The following SPATS2L variants were observed in gnomAD, a reference collection of about 807,000 sequenced individuals.
The protein encoded by SPATS2L is spermatogenesis associated serine rich 2 like.
A neutral mutation model predicts 59.6 loss-of-function variants in SPATS2L; 30 were observed. That is an observed-to-expected ratio of 0.50 (90% CI 0.38 to 0.68). The LOEUF is 0.68. Ranked by LOEUF, SPATS2L falls within the 30% of genes least tolerant of loss-of-function variation. The pLI, the probability that SPATS2L is intolerant of heterozygous loss-of-function variation, is 0.00. For missense variants in SPATS2L, 615 were observed against 700.0 expected, an observed-to-expected ratio of 0.88 and a Z score of 1.37; for synonymous variants, 252 against 263.5, an observed-to-expected ratio of 0.96 and a Z score of 0.42.
At chr2:200,346,521 A>C (rs1168591557) in intron 2 of SPATS2L, among the ~76,000 whole-genome samples, 1 of 152,138 alleles carries the variant, frequency 6.6e-6, no homozygotes. Context: ...CCTGCCACTT[A>C]TTTCTCTTGG....
chr2:200,400,012 T>C (rs1189083004), intron 3 of SPATS2L, among the ~76,000 whole-genome samples: 2 of 152,172 alleles, frequency 1.3e-5, no homozygotes, highest in Non-Finnish European at 2.9e-5. Context: ...ATTTCCCCCC[T>C]CCAAGTGGAG....
chr2:200,390,402 A>G (rs930428969), intron 3 of SPATS2L: 2 of 152,360 alleles, frequency 1.3e-5, no homozygotes, highest in Admixed American at 6.5e-5. Context: ...CCAGGCGGTG[A>G]TAACAACTGT....
intron 2 of SPATS2L, among the ~76,000 whole-genome samples, chr2:200,359,663 A>T (rs2081032903): frequency 6.6e-6 from 1 of 152,194 alleles, no homozygotes; most frequent in Non-Finnish European, 1.5e-5. Flanking sequence ...GAGAAGTCTT[A>T]TTTGGCATGC....
intron 2 of SPATS2L, among the ~76,000 whole-genome samples, chr2:200,354,662 C>T (rs1300096879): frequency 2.0e-5 from 3 of 151,926 alleles, no homozygotes; most frequent in East Asian, 1.9e-4. Context: ...ACTTCATTCT[C>T]GTGCCTTTCA....
intron 2 of SPATS2L, among the ~76,000 whole-genome samples, chr2:200,367,809 A>G (rs183375748): frequency 2.3e-4 from 35 of 152,350 alleles, no homozygotes; most frequent in Non-Finnish European, 3.2e-4. Flanking sequence ...TTGTAAATTT[A>G]GCTGCATTCT....
At chr2:200,437,254 A>G (rs1363917555) in intron 6 of SPATS2L, among the ~76,000 whole-genome samples, 1 of 152,222 alleles carries the variant, frequency 6.6e-6, no homozygotes, top group East Asian at 1.9e-4. Flanking sequence ...ACTGCCTCTC[A>G]ACTGGAATTT....
chr2:200,367,708 ATT>A (rs138079892), intron 2 of SPATS2L, among the ~76,000 whole-genome samples: 139,344 of 152,228 alleles, frequency 0.92, 64,001 homozygotes, highest in Middle Eastern at 0.97. Context: ...GTGAATTCCA[ATT>A]TTTATGCTAC....
intron 3 of SPATS2L, among the ~76,000 whole-genome samples, chr2:200,400,527 T>A (rs970578357): frequency 2.0e-5 from 3 of 152,320 alleles, no homozygotes; most frequent in Admixed American, 2.0e-4. Context: ...AACTTCCCAG[T>A]GTCAGATTAA....
intron 3 of SPATS2L, among the ~76,000 whole-genome samples, chr2:200,396,428 G>A (rs1252902522): frequency 1.3e-5 from 2 of 152,082 alleles, no homozygotes; most frequent in African/African-American, 4.8e-5. Context: ...GGAGATAGAA[G>A]GTGTTCATGT....
chr2:200,449,659 C>G (rs2085305117), intron 8 of SPATS2L, among the ~76,000 whole-genome samples: 1 of 152,108 alleles, frequency 6.6e-6, no homozygotes, highest in African/African-American at 2.4e-5. Flanking sequence ...CCATAGGATA[C>G]TAGAGTATGG....
intron 1 of SPATS2L, chr2:200,309,171 C>A: frequency 1.4e-6 from 1 of 716,824 alleles, no homozygotes; most frequent in South Asian, 1.5e-5. Context: ...GTTTCTCAGT[C>A]TGCGATCAGA....
intron 2 of SPATS2L, among the ~76,000 whole-genome samples, chr2:200,367,776 T>C (rs1195965811): frequency 6.6e-6 from 1 of 152,242 alleles, no homozygotes; most frequent in Non-Finnish European, 1.5e-5. Flanking sequence ...TTATTGATCA[T>C]GTTGATGATC....
intron 1 of SPATS2L, among the ~76,000 whole-genome samples, chr2:200,326,715 C>T (rs767687223): frequency 6.6e-6 from 1 of 151,934 alleles, no homozygotes; most frequent in Non-Finnish European, 1.5e-5. Context: ...CAGAATAATG[C>T]ATGATATGTT....
At chr2:200,433,858 C>G (rs1379451587) in intron 6 of SPATS2L, among the ~76,000 whole-genome samples, 3 of 151,960 alleles carry the variant, frequency 2.0e-5, no homozygotes, top group Admixed American at 6.6e-5. Context: ...TTAGTGAATT[C>G]CCATGAACAT....
rs1188001225 is a variant in SPATS2L at position 200,479,309 on chromosome 2, C to T, written c.*1278C>T. On this transcript the variant is annotated 3_prime_UTR_variant, in exon 13 of 13. Coordinates refer to ENST00000409140, the MANE Select transcript of SPATS2L (RefSeq NM_001100423.2). ...TGCTCTTAAGACTCAAGTCTATTTT[C>T]CACACTGTCCAGAGGAGAGAAGTTA... The T allele has an allele frequency of 2.7e-6, 1 of 366,352 alleles. No individual in the cohort carries two copies. The highest frequency in any genetic ancestry group is 4.9e-6 in the Non-Finnish European group (1 of 206,072). The allele number at this position is 366,352 out of a possible 1,614,324, so 22.7% of individuals were successfully genotyped here.
intron 1 of SPATS2L, among the ~76,000 whole-genome samples, chr2:200,317,816 A>C (rs1490565289): frequency 6.6e-6 from 1 of 152,206 alleles, no homozygotes; most frequent in African/African-American, 2.4e-5. Context: ...CTTTGCTGAT[A>C]GATTACAAAT....
At chr2:200,414,507 G>A (rs749107247) in intron 4 of SPATS2L, among the ~76,000 whole-genome samples, 2 of 152,016 alleles carry the variant, frequency 1.3e-5, no homozygotes, top group African/African-American at 2.4e-5. Flanking sequence ...ACACATGCCT[G>A]TAGTCCCAGC....
intron 8 of SPATS2L, among the ~76,000 whole-genome samples, chr2:200,454,848 G>C (rs1172876221): frequency 6.6e-6 from 1 of 152,196 alleles, no homozygotes; most frequent in East Asian, 1.9e-4. Flanking sequence ...ACTTTTAGTG[G>C]CCAGTGGAAA....
At chr2:200,307,220 C>G (rs2079049624) in intron 1 of SPATS2L, among the ~76,000 whole-genome samples, 2 of 151,608 alleles carry the variant, frequency 1.3e-5, no homozygotes, top group African/African-American at 4.8e-5. Flanking sequence ...AGCGTGTGGC[C>G]GCCGCGCTCC....
Sources: allele counts gnomAD v4.1 joint callset (sites outside exome capture counted in the v4.1 genomes callset), GRCh38; gene constraint gnomAD v4.1.1; transcripts MANE v1.5; gene names NCBI Gene and HGNC (gene_info 2026-07-23, HGNC 2026-07-21).